Variants in AHCYL2 observed in about 807,000 individuals in gnomAD.
AHCYL2 encodes adenosylhomocysteinase like 2.
AHCYL2 carries 28 observed loss-of-function variants against 81.4 expected under a neutral mutation model. That is an observed-to-expected ratio of 0.34 (90% CI 0.25 to 0.47). The LOEUF (loss-of-function observed/expected upper bound fraction) is 0.47. Among genes scored for constraint, AHCYL2 ranks in the 20% least tolerant of loss-of-function variants. The pLI, the probability that AHCYL2 is intolerant of heterozygous loss-of-function variation, is 1.00. For synonymous variants in AHCYL2, 272 were observed against 290.2 expected (o/e 0.94, Z 0.64); for missense variants, 551 against 785.1 (o/e 0.70, Z 3.56).
At chr7:129,341,581 A>G (rs1483556525) in intron 1 of AHCYL2, among the ~76,000 whole-genome samples, 2 of 152,180 alleles carry the variant, frequency 1.3e-5, no homozygotes, top group Non-Finnish European at 2.9e-5. Flanking sequence ...GGTACCACTT[A>G]CCAGAGAAAG....
chr7:129,243,151 G>A (rs563876735), intron 1 of AHCYL2, among the ~76,000 whole-genome samples: 2 of 151,264 alleles, frequency 1.3e-5, no homozygotes, highest in South Asian at 2.1e-4. Context: ...CTCCTGAGTA[G>A]CTGGGATTAC....
intron 6 of AHCYL2, among the ~76,000 whole-genome samples, chr7:129,402,448 T>C (rs1796081143): frequency 6.6e-6 from 1 of 152,196 alleles, no homozygotes; most frequent in Non-Finnish European, 1.5e-5. Context: ...GACTGCAAGA[T>C]GGGTGCATGT....
chr7:129,249,109 T>C (rs976250504), intron 1 of AHCYL2, among the ~76,000 whole-genome samples: 3 of 150,176 alleles, frequency 2.0e-5, no homozygotes, highest in African/African-American at 7.3e-5. Flanking sequence ...GTGATCCTCC[T>C]ACTGCAGCCC....
intron 1 of AHCYL2, among the ~76,000 whole-genome samples, chr7:129,316,862 G>T (rs1303020548): frequency 6.6e-6 from 1 of 152,192 alleles, no homozygotes; most frequent in Non-Finnish European, 1.5e-5. Flanking sequence ...CTATTGAAAC[G>T]AATGTTTCCT....
At chr7:129,246,811 A>G (rs747917087) in intron 1 of AHCYL2, among the ~76,000 whole-genome samples, 6 of 152,118 alleles carry the variant, frequency 3.9e-5, no homozygotes, top group Non-Finnish European at 8.8e-5. Context: ...AATTTCATAT[A>G]AATTAAATTA....
intron 4 of AHCYL2, among the ~76,000 whole-genome samples, chr7:129,389,982 A>C (rs1352722601): frequency 2.0e-5 from 3 of 152,200 alleles, no homozygotes; most frequent in Admixed American, 2.0e-4. Context: ...TTTTAACTTC[A>C]ATATACAGTA....
rs1234979171 is a variant in AHCYL2 at position 129,401,122 on chromosome 7, G to A, written c.918+738G>A. ...GTGGATTACTTCAGCCCAGGAGTTC[G>A]AGACCAGCCTGGGCAACATAGGCTT... On this transcript the variant is annotated intron_variant, in intron 6 of 16. Coordinates refer to ENST00000325006, the MANE Select transcript of AHCYL2 (RefSeq NM_015328.4). 1.2e-4 allele frequency among the ~76,000 whole-genome samples: 18 copies of A among 152,120 alleles called. 1 individual carries two copies. Among genetic ancestry groups the A allele is most frequent in the Admixed American group, 1.2e-3 (18 of 15,272 alleles).
intron 1 of AHCYL2, among the ~76,000 whole-genome samples, chr7:129,300,594 C>A (rs569567286): frequency 6.6e-6 from 1 of 152,280 alleles, no homozygotes; most frequent in East Asian, 1.9e-4. Context: ...GTGAACAGTG[C>A]TACAACAAAC....
intron 12 of AHCYL2, among the ~76,000 whole-genome samples, chr7:129,420,101 T>C (rs1184613453): frequency 6.6e-6 from 1 of 152,234 alleles, no homozygotes; most frequent in Non-Finnish European, 1.5e-5. Flanking sequence ...ACTGTCAGGC[T>C]TTCACCTACA....
chr7:129,409,646 C>T, intron 11 of AHCYL2, 100 bp downstream of exon 11: 1 of 1,028,384 alleles, frequency 9.7e-7, no homozygotes, highest in Non-Finnish European at 1.5e-6. Flanking sequence ...ACTCTAAAAG[C>T]TAGAGAGAGA....
intron 1 of AHCYL2, among the ~76,000 whole-genome samples, chr7:129,279,924 C>T (rs1488753609): frequency 1.3e-5 from 2 of 152,128 alleles, no homozygotes; most frequent in African/African-American, 2.4e-5. Flanking sequence ...TGGTCAGCTT[C>T]TTTACCGCAT....
intron 11 of AHCYL2, among the ~76,000 whole-genome samples, chr7:129,411,098 G>A (rs1796552959): frequency 6.7e-6 from 1 of 150,128 alleles, no homozygotes. Context: ...GCTTTTTTGT[G>A]ATCTGTAATT....
chr7:129,371,988 ATCAC>A (rs1260905555), intron 1 of AHCYL2, among the ~76,000 whole-genome samples: 1 of 152,202 alleles, frequency 6.6e-6, no homozygotes, highest in East Asian at 1.9e-4. Flanking sequence ...TAGCTTGACT[ATCAC>A]TCTAGGTCAG....
At chr7:129,279,358 A>G (rs1796345096) in intron 1 of AHCYL2, among the ~76,000 whole-genome samples, 2 of 152,056 alleles carry the variant, frequency 1.3e-5, no homozygotes, top group African/African-American at 2.4e-5. Flanking sequence ...CATGTTGGCC[A>G]GGCTGGTCTC....
Position 129,257,061 on chromosome 7 carries a change from C to T in AHCYL2, c.363+31622C>T, listed in dbSNP as rs114821125. 5.2e-3 allele frequency among the ~76,000 whole-genome samples: 796 copies of T among 152,190 alleles called. 11 individuals carry two copies. The highest frequency in any genetic ancestry group is 0.018 in the African/African-American group (749 of 41,526). ...TTGCAGAGGCATAGACTGAAAACACCGATAACCAGCTCCCTTTATTTTATC... is the reference window on the plus strand; with the variant it reads ...TTGCAGAGGCATAGACTGAAAACACTGATAACCAGCTCCCTTTATTTTATC... On this transcript the variant is annotated intron_variant, in intron 1 of 16. Coordinates refer to ENST00000325006, the MANE Select transcript of AHCYL2 (RefSeq NM_015328.4).
rs140054570 is a variant in AHCYL2, at chr7:129,244,994, A to G, written c.363+19555A>G. Among the ~76,000 whole-genome samples, 777 of 151,714 alleles carry G rather than the reference A, an allele frequency of 5.1e-3. 11 individuals are homozygous for G. The highest frequency in any genetic ancestry group is 0.018 in the African/African-American group (741 of 41,344). ...GTGTAAAATCCACCCATTACAAATT[A>G]CAATTCAATGATATATATTTGTAGA... is the stretch of plus-strand genomic sequence containing the variant. On this transcript the variant is annotated intron_variant, in intron 1 of 16. Coordinates refer to ENST00000325006, the MANE Select transcript of AHCYL2 (RefSeq NM_015328.4).
chr7:129,340,434 G>A (rs1467235572), intron 1 of AHCYL2, among the ~76,000 whole-genome samples: 9 of 151,426 alleles, frequency 5.9e-5, no homozygotes, highest in Non-Finnish European at 1.2e-4. Context: ...CGGGCGTGGT[G>A]GCAGTTGCCT....
At chr7:129,404,109 T>TATTC (rs928157573) in intron 7 of AHCYL2, among the ~76,000 whole-genome samples, 1 of 151,908 alleles carries the variant, frequency 6.6e-6, no homozygotes, top group African/African-American at 2.4e-5. Context: ...TGGACACATA[T>TATTC]ATTCATTCAT....
chr7:129,425,037 C>T (rs762775751), intron 14 of AHCYL2, 26 bp from the exon 15 acceptor site: 2 of 1,612,604 alleles, frequency 1.2e-6, no homozygotes, highest in East Asian at 4.5e-5. Flanking sequence ...AATGGCACAT[C>T]AGCATCCATC....
Sources: allele counts gnomAD v4.1 joint callset (sites outside exome capture counted in the v4.1 genomes callset), GRCh38; gene constraint gnomAD v4.1.1; transcripts MANE v1.5; gene names NCBI Gene and HGNC (gene_info 2026-07-23, HGNC 2026-07-21).